The following CTNNA2 variants were observed in gnomAD, a reference collection of about 807,000 sequenced individuals.
CTNNA2 encodes the protein catenin alpha-2.
A neutral mutation model predicts 101.0 loss-of-function variants in CTNNA2; 42 were observed. The observed-to-expected ratio is 0.42, with a 90% CI of 0.32 to 0.54. The LOEUF (loss-of-function observed/expected upper bound fraction) is 0.54, where lower values mean the gene tolerates loss of function less well. Among genes scored for constraint, CTNNA2 ranks in the 20% least tolerant of loss-of-function variants. The pLI is 0.14. For synonymous variants in CTNNA2, 450 were observed against 456.4 expected, an observed-to-expected ratio of 0.99 and a Z score of 0.18; for missense variants, 871 against 1,223.1, an observed-to-expected ratio of 0.71 and a Z score of 4.29.
intron 3 of CTNNA2, among the ~76,000 whole-genome samples, chr2:79,769,480 A>G (rs1673419014): frequency 6.6e-6 from 1 of 152,248 alleles, no homozygotes; most frequent in South Asian, 2.1e-4. Context: ...TTCTTCACGT[A>G]GATTACATCT....
chr2:79,580,449 T>C (rs1676082371), intron 1 of CTNNA2, among the ~76,000 whole-genome samples: 1 of 152,152 alleles, frequency 6.6e-6, no homozygotes, highest in Non-Finnish European at 1.5e-5. Context: ...AGGAACTGAA[T>C]TCAGCCAACA....
intron 2 of CTNNA2, among the ~76,000 whole-genome samples, chr2:79,276,954 A>T (rs1354886339): frequency 6.6e-6 from 1 of 152,146 alleles, no homozygotes; most frequent in African/African-American, 2.4e-5. Flanking sequence ...GCACACACAC[A>T]CATGCAAACA....
At chr2:80,594,343 T>A (rs1046536618) in intron 15 of CTNNA2, among the ~76,000 whole-genome samples, 1 of 152,112 alleles carries the variant, frequency 6.6e-6, no homozygotes, top group South Asian at 2.1e-4. Flanking sequence ...GGTTGTTTGT[T>A]TGCTTTTTTG....
intron 7 of CTNNA2, among the ~76,000 whole-genome samples, chr2:80,219,538 A>C (rs1277219548): frequency 6.6e-6 from 1 of 152,130 alleles, no homozygotes; most frequent in Admixed American, 6.6e-5. Flanking sequence ...TACCTAATTT[A>C]AGATCTAGAA....
intron 15 of CTNNA2, among the ~76,000 whole-genome samples, chr2:80,593,046 A>G (rs1375165642): frequency 6.6e-6 from 1 of 152,186 alleles, no homozygotes; most frequent in Non-Finnish European, 1.5e-5. Flanking sequence ...TCAAGAATCT[A>G]TATAAGTAGA....
intron 2 of CTNNA2, among the ~76,000 whole-genome samples, chr2:79,275,110 C>A (rs1020756647): frequency 6.6e-6 from 1 of 151,874 alleles, no homozygotes; most frequent in Non-Finnish European, 1.5e-5. Context: ...CTGAAATAAC[C>A]CTTACAAAGT....
intron 4 of CTNNA2, among the ~76,000 whole-genome samples, chr2:79,488,404 G>C (rs911331685): frequency 1.6e-4 from 24 of 150,956 alleles, no homozygotes; most frequent in Non-Finnish European, 1.9e-4. Flanking sequence ...CTGCAGTGAA[G>C]GTCAATGTCA....
At chr2:80,250,543 G>T (rs555463816) in intron 7 of CTNNA2, among the ~76,000 whole-genome samples, 269 of 152,146 alleles carry the variant, frequency 1.8e-3, no homozygotes, top group African/African-American at 6.2e-3. Context: ...AGAGAAAGGG[G>T]CTCCATTCAA....
intron 14 of CTNNA2, among the ~76,000 whole-genome samples, chr2:80,587,454 A>G (rs1696074849): frequency 2.0e-5 from 3 of 152,202 alleles, no homozygotes; most frequent in African/African-American, 7.2e-5. Flanking sequence ...TTTATTTGAA[A>G]AAACACATAT....
At chr2:79,706,288 G>A (rs968288279) in intron 2 of CTNNA2, among the ~76,000 whole-genome samples, 4 of 149,516 alleles carry the variant, frequency 2.7e-5, no homozygotes, top group African/African-American at 9.9e-5. Flanking sequence ...GCGTGAACCC[G>A]GGAGGCGGAG....
intron 7 of CTNNA2, among the ~76,000 whole-genome samples, chr2:80,361,111 G>A (rs959504080): frequency 1.1e-4 from 17 of 151,964 alleles, no homozygotes; most frequent in African/African-American, 3.9e-4. Context: ...ATTAAGAGCT[G>A]TGTAATACCA....
intron 4 of CTNNA2, among the ~76,000 whole-genome samples, chr2:79,456,902 G>A (rs990104354): frequency 6.6e-6 from 1 of 152,052 alleles, no homozygotes; most frequent in African/African-American, 2.4e-5. Flanking sequence ...ATTTCAAAGG[G>A]TTAAATAATT....
At chr2:79,321,812 C>A (rs1394007591) in intron 3 of CTNNA2, among the ~76,000 whole-genome samples, 1 of 146,054 alleles carries the variant, frequency 6.8e-6, no homozygotes, top group Non-Finnish European at 1.5e-5. Flanking sequence ...CACACACACA[C>A]ACACACAAAT....
intron 3 of CTNNA2, among the ~76,000 whole-genome samples, chr2:79,364,004 G>A (rs1398749964): frequency 6.6e-6 from 1 of 152,170 alleles, no homozygotes; most frequent in Non-Finnish European, 1.5e-5. Flanking sequence ...CTTTGAGCTG[G>A]AGAAAAGGCA....
At chr2:79,650,471 G>C (rs1418346297) in intron 1 of CTNNA2, among the ~76,000 whole-genome samples, 1 of 151,856 alleles carries the variant, frequency 6.6e-6, no homozygotes, top group Non-Finnish European at 1.5e-5. Context: ...GTTATGATGT[G>C]AAGAAAAAAG....
rs1329352216 is a variant in CTNNA2 at position 80,600,732 on chromosome 2, C to T, written c.2190-3342C>T. 2.0e-5 allele frequency among the ~76,000 whole-genome samples: 3 copies of T among 152,072 alleles called. No homozygotes were observed. The East Asian group carries it at 5.8e-4, about 29-fold the overall frequency. On this transcript the variant is annotated intron_variant, in intron 15 of 18. Transcript: ENST00000402739. ...AAAATAAATATGCCACTTTCCGCCT[C>T]CTTCTGGGCTCAAGCAAACCTCTCA... is the stretch of plus-strand genomic sequence containing the variant.
At chr2:79,248,540 A>T (rs181018723) in intron 2 of CTNNA2, among the ~76,000 whole-genome samples, 4 of 152,254 alleles carry the variant, frequency 2.6e-5, no homozygotes, top group African/African-American at 7.2e-5. Flanking sequence ...TCCAGGGGCT[A>T]CCATATTGAG....
chr2:79,979,811 T>G, intron 7 of CTNNA2, among the ~76,000 whole-genome samples: 1 of 152,294 alleles, frequency 6.6e-6, no homozygotes, highest in Non-Finnish European at 1.5e-5. Context: ...TATTTAAATA[T>G]CAATTCCTAG....
At chr2:80,043,554 C>A (rs1315402619) in intron 7 of CTNNA2, among the ~76,000 whole-genome samples, 1 of 152,112 alleles carries the variant, frequency 6.6e-6, no homozygotes, top group Admixed American at 6.6e-5. Flanking sequence ...ATAGATCAAA[C>A]CTACAGTCCT....
Sources: allele counts gnomAD v4.1 joint callset (sites outside exome capture counted in the v4.1 genomes callset), GRCh38; gene constraint gnomAD v4.1.1; transcripts MANE v1.5; gene names NCBI Gene and HGNC (gene_info 2026-07-23, HGNC 2026-07-21).